The following MCM10 variants were observed in gnomAD, a reference collection of about 807,000 sequenced individuals.
MCM10 encodes the protein minichromosome maintenance 10 replication initiation factor.
A neutral mutation model predicts 109.9 loss-of-function variants in MCM10; 91 were observed. The observed-to-expected ratio is 0.83, with a 90% confidence interval of 0.70 to 0.99. The LOEUF (loss-of-function observed/expected upper bound fraction) is 0.99. Among genes scored for constraint, MCM10 ranks in the 50% least tolerant of loss-of-function variants. MCM10 has a pLI of 0.00. For synonymous variants in MCM10, 380 were observed against 387.2 expected (o/e 0.98, Z 0.22); for missense variants, 1,077 against 1,061.2 (o/e 1.01, Z -0.21).
At position 13,180,598 on chromosome 10, in the gene MCM10, T is replaced by C. The variant is rs1257556125; in HGVS notation, c.921T>C (p.Ser307=). 6.2e-7 allele frequency: 1 copy of C among 1,613,970 alleles called. No homozygotes were observed. The highest frequency in any genetic ancestry group is 8.5e-7 in the Non-Finnish European group (1 of 1,179,990). The change falls in exon 7 of 20, where the codon AGT becomes AGC. Residue 307 remains serine, a synonymous_variant. Coordinates refer to ENST00000378714, the MANE Select transcript of MCM10 (RefSeq NM_018518.5). Reference sequence around the variant, plus strand: ...TATTGAAGAAGGTTACGCCACAGAGTGTGAATAGTGTAAGCCATTGTATTG... The same window carrying C: ...TATTGAAGAAGGTTACGCCACAGAGCGTGAATAGTGTAAGCCATTGTATTG... ...GVILKKVTPQ[S]VNSGKTFSIW...
intron 2 of MCM10, among the ~76,000 whole-genome samples, chr10:13,164,878 G>C (rs568406918): frequency 1.3e-5 from 2 of 152,102 alleles, no homozygotes; most frequent in Non-Finnish European, 2.9e-5. Flanking sequence ...GGGCAATAGA[G>C]TGAGACCTCA....
rs996039763 is a variant in MCM10, at chr10:13,172,972, C to T, written c.592+207C>T. Among the ~76,000 whole-genome samples, 6 of 152,158 alleles carry T rather than the reference C, an allele frequency of 3.9e-5. No homozygotes were observed. The highest frequency in any genetic ancestry group is 1.4e-4 in the African/African-American group (6 of 41,426). The stretch of plus-strand genomic sequence containing the variant: ...GCCTAGAAAATCCTTAGGGCCAAGG[C>T]ACGCGGCAGGAAGATTGCTTGATCC... On this transcript the variant is annotated intron_variant, in intron 5 of 19. Transcript: ENST00000378714. This position sits in a 1 kb window ranked among gnomAD's most constrained non-coding sequence, Gnocchi z 5.2.
At chr10:13,170,698 GT>G (rs138889842) in intron 2 of MCM10, among the ~76,000 whole-genome samples, 7 of 151,956 alleles carry the variant, frequency 4.6e-5, no homozygotes, top group Non-Finnish European at 1.0e-4. Context: ...TTGTTTGTTT[GT>G]TTTTTTAGTT....
chr10:13,192,506 G>C lies in MCM10; in HGVS notation c.1683G>C (p.Leu561Phe), dbSNP rs763648658. 1 of 1,614,168 alleles carries C rather than the reference G, an allele frequency of 6.2e-7. No homozygotes were observed. Among genetic ancestry groups the C allele is most frequent in the South Asian group, 1.1e-5 (1 of 91,084 alleles). ...AGTCCATCTCGGCCTCAGCACTCTT[G>C]AAGCAACAGAAGCAGCGGATGTTGG... ...AIKSISASALLKQQKQRMLEM... is the reference protein window; with the variant it reads ...AIKSISASALFKQQKQRMLEM... The change falls in exon 13 of 20, where the codon TTG becomes TTC. Residue 561 changes from leucine (L) to phenylalanine (F), a missense_variant. By Grantham distance (22) the Leu-to-Phe change is conservative (BLOSUM62 0). Coordinates refer to ENST00000378714, the MANE Select transcript of MCM10 (RefSeq NM_018518.5).
rs768674756 is a variant in MCM10, at chr10:13,171,268, CCTAA to C, written c.349+9_349+12del. On this transcript the variant is annotated splice_donor_region_variant and intron_variant, in intron 3 of 19. Coordinates refer to ENST00000378714, the MANE Select transcript of MCM10 (RefSeq NM_018518.5). ...AAACGAATGAAGAGTTGCAAGGTGC[CCTAA>C]CTACTTGCCTTCCTTATTTCTTTCG... 59 of 1,595,354 alleles carry C rather than the reference CCTAA, an allele frequency of 3.7e-5. No individual in the cohort carries two copies. Among genetic ancestry groups the C allele is most frequent in the Non-Finnish European group, 3.4e-5 (40 of 1,170,996 alleles).
intron 16 of MCM10, among the ~76,000 whole-genome samples, chr10:13,200,753 G>C (rs546805538): frequency 3.3e-5 from 5 of 152,390 alleles, no homozygotes; most frequent in Admixed American, 2.0e-4. Context: ...TGTATGTGGA[G>C]TCTGTATTAG....
intron 17 of MCM10, among the ~76,000 whole-genome samples, chr10:13,202,484 C>G (rs1401687130): frequency 6.6e-6 from 1 of 152,200 alleles, no homozygotes; most frequent in Non-Finnish European, 1.5e-5. Context: ...GTGGAAGTGG[C>G]ATAGCTTACC....
Position 13,202,867 on chromosome 10 carries a change from CAG to C in MCM10, c.2352+1336_2352+1337del, listed in dbSNP as rs890321942. Among the ~76,000 whole-genome samples, 38 of 152,192 alleles carry C rather than the reference CAG, an allele frequency of 2.5e-4. 1 individual carries two copies. The highest frequency in any genetic ancestry group is 8.4e-4 in the African/African-American group (35 of 41,528). ...GTATTTATTTATTTATTTTTGGAGA[CAG>C]AGTCTCACTCTGTCGCCCAGGTTGG... On this transcript the variant is annotated intron_variant, in intron 17 of 19. Transcript: ENST00000378714.
At chr10:13,208,990 T>C in intron 18 of MCM10, 101 bp from the exon 19 acceptor site, 1 of 815,816 alleles carries the variant, frequency 1.2e-6, no homozygotes, top group South Asian at 1.4e-5. Flanking sequence ...CAGCTTCTCC[T>C]TGAATGGGGG....
Position 13,195,156 on chromosome 10 carries a change from G to A in MCM10, c.1861G>A (p.Ala621Thr). ...SEFPRLEGAP[A>T]TMTPKLGRGV... is the part of the protein sequence containing the mutation. ...GTTCCCCAGGCTGGAGGGAGCCCCG[G>A]CCACAATGACGCCCAAGCTGGGGCG... Residue 621 changes from alanine (A) to threonine (T), a missense_variant, in exon 14 of 20, where the codon GCC becomes ACC. Physicochemically the swap from Ala to Thr is moderately conservative, Grantham distance 58 (BLOSUM62 0). Coordinates refer to ENST00000378714, the MANE Select transcript of MCM10 (RefSeq NM_018518.5). 1 of 1,614,122 alleles carries A rather than the reference G, an allele frequency of 6.2e-7. No individual in the cohort carries two copies. Among genetic ancestry groups the A allele is most frequent in the African/African-American group, 1.3e-5 (1 of 75,024 alleles).
intron 3 of MCM10, among the ~76,000 whole-genome samples, chr10:13,171,526 T>C (rs1325355038): frequency 1.3e-5 from 2 of 152,212 alleles, no homozygotes; most frequent in African/African-American, 4.8e-5. Flanking sequence ...ATATTTCTTA[T>C]GGAATAGTAG....
chr10:13,165,187 G>A (rs1180071441), intron 2 of MCM10, among the ~76,000 whole-genome samples: 1 of 152,108 alleles, frequency 6.6e-6, no homozygotes, highest in Non-Finnish European at 1.5e-5. Context: ...TATGAATTAG[G>A]CACAGTGAGA....
chr10:13,207,591 G>T (rs1006262660), intron 18 of MCM10, among the ~76,000 whole-genome samples: 1 of 152,178 alleles, frequency 6.6e-6, no homozygotes, highest in Non-Finnish European at 1.5e-5. Flanking sequence ...TCAGTGGGAG[G>T]TAATTGAATC....
intron 14 of MCM10, chr10:13,195,715 A>G (rs1289430190): frequency 1.3e-5 from 2 of 152,278 alleles, no homozygotes; most frequent in Non-Finnish European, 2.9e-5. Flanking sequence ...GATTCAAGCG[A>G]TTGTCCTGCT....
At chr10:13,193,826 A>G (rs1209178376) in intron 13 of MCM10, among the ~76,000 whole-genome samples, 2 of 152,106 alleles carry the variant, frequency 1.3e-5, no homozygotes, top group Non-Finnish European at 2.9e-5. Context: ...CGTAATGAAA[A>G]TTTTCAGAAT....
chr10:13,182,148 A>G lies in MCM10; in HGVS notation c.931-785A>G, dbSNP rs1834217566. Among the ~76,000 whole-genome samples the G allele has an allele frequency of 6.6e-6, 1 of 152,210 alleles. No homozygotes were observed. The highest frequency in any genetic ancestry group is 1.5e-5 in the Non-Finnish European group (1 of 68,042). ...TTTGTAAGCTAAGCAGAGATGTAATAGCCTAGAAAGGAAACTTCTTTTTTC... is the reference window on the plus strand; with the variant it reads ...TTTGTAAGCTAAGCAGAGATGTAATGGCCTAGAAAGGAAACTTCTTTTTTC... On this transcript the variant is annotated intron_variant, in intron 7 of 19. Coordinates refer to ENST00000378714, the MANE Select transcript of MCM10 (RefSeq NM_018518.5). This position sits in a 1 kb window ranked among gnomAD's most constrained non-coding sequence, Gnocchi z 4.2.
At chr10:13,170,365 CTT>C (rs35129146) in intron 2 of MCM10, among the ~76,000 whole-genome samples, 5 of 148,898 alleles carry the variant, frequency 3.4e-5, no homozygotes, top group African/African-American at 2.5e-5. Flanking sequence ...TAGTTTGTAT[CTT>C]TTTTTTTTTA....
At chr10:13,163,927 A>G (rs1403352990) in intron 1 of MCM10, among the ~76,000 whole-genome samples, 1 of 152,114 alleles carries the variant, frequency 6.6e-6, no homozygotes, top group Non-Finnish European at 1.5e-5. Context: ...GTAACCTTAA[A>G]CACAAGTAAA....
At chr10:13,202,991 C>T (rs768212255) in intron 17 of MCM10, among the ~76,000 whole-genome samples, 2 of 151,980 alleles carry the variant, frequency 1.3e-5, no homozygotes, top group African/African-American at 4.8e-5. Flanking sequence ...ATTACAGGCA[C>T]GCACCACACT....
Sources: gnomAD v4.1 joint callset for allele counts (sites outside exome capture counted in the v4.1 genomes callset) on GRCh38, gnomAD v4.1.1 for gene constraint, Gnocchi (gnomAD v3.1) non-coding constraint, MANE v1.5 for transcripts, NCBI Gene and HGNC (gene_info 2026-07-23, HGNC 2026-07-21) for gene names.